Variants in SBF2 observed in about 807,000 individuals in gnomAD.
The protein encoded by SBF2 is myotubularin-related protein 13.
SBF2 carries 112 observed loss-of-function variants against 225.2 expected under a neutral mutation model. That is an observed-to-expected ratio of 0.50 (90% CI 0.43 to 0.58). The LOEUF (loss-of-function observed/expected upper bound fraction) is 0.58. Ranked by LOEUF, SBF2 falls within the 20% of genes least tolerant of loss-of-function variation. The pLI, the probability that SBF2 is intolerant of heterozygous loss-of-function variation, is 0.00. For synonymous variants in SBF2, 763 were observed against 773.3 expected (o/e 0.99, Z 0.22); for missense variants, 1,996 against 2,206.2 (o/e 0.90, Z 1.91).
chr11:10,022,099 G>A (rs1948879356), intron 6 of SBF2, among the ~76,000 whole-genome samples: 1 of 152,098 alleles, frequency 6.6e-6, no homozygotes, highest in Non-Finnish European at 1.5e-5. Context: ...CTACAATATG[G>A]TTACCACTTC....
intron 2 of SBF2, among the ~76,000 whole-genome samples, chr11:10,178,525 T>C (rs893288160): frequency 8.7e-5 from 13 of 149,880 alleles, no homozygotes; most frequent in African/African-American, 3.2e-4. Flanking sequence ...CATCAAAAAG[T>C]GGGCGAAGGA....
chr11:10,179,702 T>A, intron 2 of SBF2, among the ~76,000 whole-genome samples: 1 of 152,202 alleles, frequency 6.6e-6, no homozygotes, highest in East Asian at 1.9e-4. Flanking sequence ...GCTCCAGTGT[T>A]GGATGCATGT....
In SBF2 at chr11:10,302,873, G is replaced by C. The variant is rs184384938; in HGVS notation, n.386+1619C>G. ...ACTGGAAGGAACGAGTCCAGACCAC[G>C]GGACCTTCCCTGGCCGTGGGCCGAC... On this transcript the variant is annotated intron_variant and non_coding_transcript_variant, in intron 1 of 5. Coordinates refer to the SBF2 transcript ENST00000685217. 66 of 152,436 alleles carry C rather than the reference G, an allele frequency of 4.3e-4. 1 individual carries two copies. The highest frequency in any genetic ancestry group is 1.6e-3 in the African/African-American group (65 of 41,572). 9.4% of individuals were successfully genotyped at this position (152,436 alleles called of 1,614,324 possible).
intron 13 of SBF2, among the ~76,000 whole-genome samples, chr11:9,982,777 G>T (rs1177571829): frequency 6.6e-6 from 1 of 152,224 alleles, no homozygotes; most frequent in Non-Finnish European, 1.5e-5. Flanking sequence ...CTGTCTAAGT[G>T]GGAAAGGGAG....
At chr11:10,134,086 T>A (rs1591036423) in intron 2 of SBF2, among the ~76,000 whole-genome samples, 1 of 152,348 alleles carries the variant, frequency 6.6e-6, no homozygotes, top group South Asian at 2.1e-4. Context: ...CAGTTCCATG[T>A]GGCTGGGGAG....
chr11:9,977,381 G>A (rs1946744687), intron 13 of SBF2, among the ~76,000 whole-genome samples: 1 of 151,910 alleles, frequency 6.6e-6, no homozygotes, highest in Non-Finnish European at 1.5e-5. Flanking sequence ...CAGCTACTAG[G>A]AAGGCTGAAG....
At chr11:10,062,986 C>T (rs1420506993) in intron 2 of SBF2, among the ~76,000 whole-genome samples, 1 of 152,122 alleles carries the variant, frequency 6.6e-6, no homozygotes, top group African/African-American at 2.4e-5. Flanking sequence ...GGTACATATA[C>T]ACATGGAATA....
rs77660096 is a variant in SBF2, at chr11:9,959,547, G to A, written c.1860+2410C>T. 7,062 of 781,680 alleles carry A rather than the reference G, an allele frequency of 9.0e-3. 54 individuals are homozygous for A. Among genetic ancestry groups the A allele is most frequent in the Non-Finnish European group, 0.011 (4,641 of 421,700 alleles). The allele number at this position is 781,680 out of a possible 1,614,324, so 48.4% of individuals were successfully genotyped here. ...CCAGCTTGTGGAGGTCCTTGTGGAA[G>A]GGGTCCCAAAACATGGCAGCAGGCA... On this transcript the variant is annotated intron_variant, in intron 16 of 39. Coordinates refer to ENST00000256190, the MANE Select transcript of SBF2 (RefSeq NM_030962.4).
intron 2 of SBF2, among the ~76,000 whole-genome samples, chr11:10,079,174 A>T (rs552410730): frequency 6.6e-6 from 1 of 152,350 alleles, no homozygotes; most frequent in Admixed American, 6.5e-5. Flanking sequence ...ATGCTATGAC[A>T]TCTCAAAGAA....
In SBF2 at chr11:9,786,290, T is replaced by C. The variant is rs114702156; in HGVS notation, c.5038-972A>G. On this transcript the variant is annotated intron_variant, in intron 36 of 39. Coordinates refer to ENST00000256190, the MANE Select transcript of SBF2 (RefSeq NM_030962.4). ...ATTTATAAGGGTAAAACAAGTTTGA[T>C]AGCATAGTGGTTTACTTCTAGGTTA... 7.3e-3 allele frequency among the ~76,000 whole-genome samples: 1,110 copies of C among 152,336 alleles called. 12 individuals are homozygous for C. Among genetic ancestry groups the C allele is most frequent in the African/African-American group, 0.025 (1,045 of 41,568 alleles).
chr11:10,273,225 G>A (rs7107290), intron 1 of SBF2, among the ~76,000 whole-genome samples: 74,781 of 151,988 alleles, frequency 0.49, 18,755 homozygotes, highest in Non-Finnish European at 0.54. Flanking sequence ...CAGACCCATT[G>A]TACAAAAGGG....
intron 2 of SBF2, among the ~76,000 whole-genome samples, chr11:10,073,455 G>A (rs994744184): frequency 3.2e-4 from 49 of 152,268 alleles, no homozygotes; most frequent in Non-Finnish European, 1.9e-4. Flanking sequence ...GCTTGCACCT[G>A]TAATCTCAGC....
At chr11:9,904,562 G>T (rs1175524178) in intron 16 of SBF2, among the ~76,000 whole-genome samples, 3 of 152,136 alleles carry the variant, frequency 2.0e-5, no homozygotes, top group African/African-American at 7.2e-5. Context: ...AGAAAAATCA[G>T]TCATCATATT....
chr11:9,943,663 T>C (rs546202379), intron 16 of SBF2, among the ~76,000 whole-genome samples: 1 of 152,130 alleles, frequency 6.6e-6, no homozygotes, highest in Non-Finnish European at 1.5e-5. Flanking sequence ...ATGCAAATGA[T>C]AATTACAATG....
intron 2 of SBF2, among the ~76,000 whole-genome samples, chr11:10,160,606 C>T (rs567436125): frequency 2.6e-5 from 4 of 152,182 alleles, no homozygotes; most frequent in African/African-American, 9.6e-5. Context: ...CTTTATACAC[C>T]TTTCTGTATT....
chr11:10,241,914 T>G (rs1959240126), intron 1 of SBF2, among the ~76,000 whole-genome samples: 2 of 151,780 alleles, frequency 1.3e-5, no homozygotes, highest in South Asian at 4.2e-4. Context: ...GTAAGGTGAG[T>G]GTCTACCTTT....
chr11:10,223,399 TTATATATATATATATA>T lies in SBF2; in HGVS notation c.56-29428_56-29413del, dbSNP rs3074175. 3.9e-3 allele frequency among the ~76,000 whole-genome samples: 229 copies of T among 59,278 alleles called. 4 individuals carry two copies. The highest frequency in any genetic ancestry group is 0.01 in the South Asian group (19 of 1,826). The allele number at this position is 59,278 out of a possible 152,430, so 38.9% of individuals were successfully genotyped here. A position where few individuals can be genotyped will look rare whatever the true frequency, so the allele number is the denominator to read the frequency against. ...CAATAAACAACACATATTTTGCACATTATATATATATATATATATATATATATATATATATATATAT... is the reference window on the plus strand; with the variant it reads ...CAATAAACAACACATATTTTGCACATTATATATATATATATATATATATAT... On this transcript the variant is annotated intron_variant, in intron 1 of 39. Transcript: ENST00000256190.
intron 2 of SBF2, among the ~76,000 whole-genome samples, chr11:10,184,063 T>C (rs549324373): frequency 2.8e-4 from 43 of 152,358 alleles, no homozygotes; most frequent in African/African-American, 9.9e-4. Flanking sequence ...CCATTATACA[T>C]TGCATACATG....
At chr11:10,166,961 C>CACACACACACACACACACACACA (rs1955983871) in intron 2 of SBF2, among the ~76,000 whole-genome samples, 1 of 125,904 alleles carries the variant, frequency 7.9e-6, no homozygotes, top group Admixed American at 8.5e-5. Flanking sequence ...GACTCTGTCT[C>CACACACACACACACACACACACA]CACACACACA....
Sources: allele counts gnomAD v4.1 joint callset (sites outside exome capture counted in the v4.1 genomes callset), GRCh38; gene constraint gnomAD v4.1.1; transcripts MANE v1.5; gene names NCBI Gene and HGNC (gene_info 2026-07-23, HGNC 2026-07-21).